Variants in CCDC91 observed in about 807,000 individuals in gnomAD.
CCDC91 encodes the protein coiled-coil domain-containing protein 91.
In CCDC91, 48 loss-of-function variants were observed where a neutral mutation model predicts 63.2. The observed-to-expected ratio is 0.76, with a 90% CI of 0.60 to 0.97. CCDC91 has a LOEUF of 0.97. Among genes scored for constraint, CCDC91 ranks in the 50% least tolerant of loss-of-function variants. The pLI is 0.00. For synonymous variants in CCDC91, 167 were observed against 165.8 expected (o/e 1.01, Z -0.06); for missense variants, 500 against 494.6 (o/e 1.01, Z -0.10).
In CCDC91 at chr12:28,452,654, G is replaced by C. The variant is rs765168332; in HGVS notation, c.1101G>C (p.Gln367His). The change falls in exon 11 of 13, where the codon CAG becomes CAC. Residue 367 changes from glutamine to histidine, a missense_variant and splice_region_variant. Transcript: ENST00000536442. ...KAIQEQRKIS[Q>H]ETVKAAIIEE... is the part of the protein sequence containing the mutation. ...TACAAGAACAAAGAAAAATAAGTCAGGTTAGTAATATTAACTGTTAGTAAA... is the reference window on the plus strand; with the variant it reads ...TACAAGAACAAAGAAAAATAAGTCACGTTAGTAATATTAACTGTTAGTAAA... The C allele has an allele frequency of 6.9e-7, 1 of 1,459,292 alleles. No homozygotes were observed. The highest frequency in any genetic ancestry group is 2.3e-5 in the Admixed American group (1 of 43,748). The allele number at this position is 1,459,292 out of a possible 1,614,324, so 90.4% of individuals were successfully genotyped here.
intron 11 of CCDC91, among the ~76,000 whole-genome samples, chr12:28,475,478 G>A (rs777924253): frequency 2.0e-5 from 3 of 152,074 alleles, no homozygotes; most frequent in Non-Finnish European, 4.4e-5. Context: ...AAGACTGTGA[G>A]ATTTATTGAT....
intron 6 of CCDC91, among the ~76,000 whole-genome samples, chr12:28,313,533 TA>T (rs1939530964): frequency 1.3e-5 from 2 of 151,974 alleles, no homozygotes; most frequent in Non-Finnish European, 1.5e-5. Context: ...AGAGAAAGAG[TA>T]ATTAATAAAT....
In CCDC91 at chr12:28,417,643, AC is replaced by A. The variant is rs1565941304; in HGVS notation, c.762+26233del. 5.8e-3 allele frequency among the ~76,000 whole-genome samples: 874 copies of A among 150,300 alleles called. 4 individuals are homozygous for A. The highest frequency in any genetic ancestry group is 0.016 in the East Asian group (83 of 5,174). On this transcript the variant is annotated intron_variant, in intron 8 of 12. Coordinates refer to ENST00000536442, the MANE Select transcript of CCDC91 (RefSeq NM_018318.5). ...GAGATATATATATATATATATATAC[AC>A]ACACACACACATTGTTAAATGATTA... is the stretch of plus-strand genomic sequence containing the variant.
intron 1 of CCDC91, among the ~76,000 whole-genome samples, chr12:28,220,141 A>T (rs1943839685): frequency 6.6e-6 from 1 of 152,046 alleles, no homozygotes; most frequent in African/African-American, 2.4e-5. Flanking sequence ...ATATCATTTT[A>T]CTATTTGTTT....
intron 7 of CCDC91, among the ~76,000 whole-genome samples, chr12:28,364,973 G>A (rs1390693975): frequency 3.9e-5 from 6 of 151,972 alleles, no homozygotes; most frequent in Non-Finnish European, 7.4e-5. Flanking sequence ...TAATATTATT[G>A]TACAAGATGT....
chr12:28,446,000 C>A (rs1310366143), intron 8 of CCDC91, among the ~76,000 whole-genome samples: 1 of 152,074 alleles, frequency 6.6e-6, no homozygotes, highest in African/African-American at 2.4e-5. Flanking sequence ...TACATCCTAG[C>A]AGAACAAAAG....
At chr12:28,489,568 G>A (rs1411264071) in intron 12 of CCDC91, among the ~76,000 whole-genome samples, 1 of 151,846 alleles carries the variant, frequency 6.6e-6, no homozygotes, top group East Asian at 1.9e-4. Flanking sequence ...TCATCCAAAT[G>A]TAATAAAATA....
chr12:28,460,128 AG>A (rs1478914735), intron 11 of CCDC91, among the ~76,000 whole-genome samples: 4 of 152,158 alleles, frequency 2.6e-5, no homozygotes, highest in Admixed American at 2.6e-4. Flanking sequence ...TGTTGTTCAC[AG>A]TAAGAAAATG....
chr12:28,535,810 T>C (rs555872340), intron 12 of CCDC91, among the ~76,000 whole-genome samples: 5 of 152,138 alleles, frequency 3.3e-5, no homozygotes, highest in Non-Finnish European at 7.4e-5. Context: ...GGGCAGATCA[T>C]GAGGTCAGGA....
chr12:28,331,716 G>T (rs1400268661), intron 6 of CCDC91, among the ~76,000 whole-genome samples: 1 of 152,130 alleles, frequency 6.6e-6, no homozygotes, highest in African/African-American at 2.4e-5. Context: ...TAGTAAGCAT[G>T]CCTTTAAAAT....
intron 8 of CCDC91, among the ~76,000 whole-genome samples, chr12:28,410,490 T>A (rs1281937760): frequency 6.6e-6 from 1 of 152,118 alleles, no homozygotes; most frequent in African/African-American, 2.4e-5. Flanking sequence ...CAGTAGCTTT[T>A]AATTGTGTGT....
intron 1 of CCDC91, among the ~76,000 whole-genome samples, chr12:28,210,378 C>G (rs558248438): frequency 2.6e-5 from 4 of 152,200 alleles, no homozygotes; most frequent in Admixed American, 1.3e-4. Flanking sequence ...GCCTATTTTT[C>G]TTTAAACCAA....
chr12:28,438,096 GTTAA>G (rs1206936660), intron 8 of CCDC91, among the ~76,000 whole-genome samples: 3 of 152,128 alleles, frequency 2.0e-5, no homozygotes, highest in Non-Finnish European at 4.4e-5. Flanking sequence ...AAAGTACTAT[GTTAA>G]TTGTGCTACA....
At chr12:28,248,182 G>C (rs1565669099) in intron 1 of CCDC91, among the ~76,000 whole-genome samples, 1 of 152,162 alleles carries the variant, frequency 6.6e-6, no homozygotes, top group Non-Finnish European at 1.5e-5. Context: ...GTGTTATAGA[G>C]GTAGTGGCAA....
Position 28,305,696 on chromosome 12 carries a change from C to T in CCDC91, c.157C>T (p.Arg53Cys), listed in dbSNP as rs376839906. Reference protein sequence around the residue: ...SPSSPEIVLDRDHSSSIGCLS... With the variant: ...SPSSPEIVLDCDHSSSIGCLS... ...ATCTTCTCCTGAGATTGTACTGGAC[C>T]GTGACCACTCTTCTTCCATTGGCTG... The change falls in exon 4 of 13, where the codon CGT becomes TGT. Residue 53 changes from arginine (R) to cysteine (C), a missense_variant. Transcript: ENST00000536442. 28 of 1,613,024 alleles carry T rather than the reference C, an allele frequency of 1.7e-5. No homozygotes were observed. Among genetic ancestry groups the T allele is most frequent in the African/African-American group, 1.2e-4 (9 of 74,808 alleles).
At chr12:28,500,140 C>T (rs1403796914) in intron 12 of CCDC91, among the ~76,000 whole-genome samples, 2 of 150,220 alleles carry the variant, frequency 1.3e-5, no homozygotes, top group Non-Finnish European at 3.0e-5. Flanking sequence ...ACATAAATGT[C>T]TTCTTTTGAG....
At chr12:28,336,388 T>G (rs981124686) in intron 6 of CCDC91, among the ~76,000 whole-genome samples, 2 of 152,160 alleles carry the variant, frequency 1.3e-5, no homozygotes, top group African/African-American at 4.8e-5. Flanking sequence ...CCTTAAGTCC[T>G]AATAGAACAA....
At chr12:28,511,976 A>G (rs1939424847) in intron 12 of CCDC91, among the ~76,000 whole-genome samples, 1 of 151,844 alleles carries the variant, frequency 6.6e-6, no homozygotes, top group Non-Finnish European at 1.5e-5. Flanking sequence ...ATTTTATGGA[A>G]ATGGCTCTGA....
chr12:28,289,183 A>T (rs1170786917), intron 3 of CCDC91, among the ~76,000 whole-genome samples: 1 of 149,788 alleles, frequency 6.7e-6, no homozygotes, highest in Non-Finnish European at 1.5e-5. Flanking sequence ...AGTCTCCTTG[A>T]GTTCAGCTCT....
Sources: allele counts gnomAD v4.1 joint callset (sites outside exome capture counted in the v4.1 genomes callset), GRCh38; gene constraint gnomAD v4.1.1; transcripts MANE v1.5; gene names NCBI Gene and HGNC (gene_info 2026-07-23, HGNC 2026-07-21).